The following ARHGAP12 variants were observed in gnomAD, a reference collection of about 807,000 sequenced individuals.
The protein encoded by ARHGAP12 is rho GTPase-activating protein 12.
Under a neutral mutation model 108.6 loss-of-function variants are expected in ARHGAP12, and 64 were observed. That is an observed-to-expected ratio of 0.59 (90% CI 0.48 to 0.73). ARHGAP12 has a LOEUF of 0.73. Ranked by LOEUF, ARHGAP12 falls within the 30% of genes least tolerant of loss-of-function variation. The pLI, the probability that ARHGAP12 is intolerant of heterozygous loss-of-function variation, is 0.00. For missense variants in ARHGAP12, 940 were observed against 1,005.9 expected (o/e 0.93, Z 0.89); for synonymous variants, 312 against 337.2 (o/e 0.93, Z 0.82).
At chr10:31,820,217 A>T (rs1041959063) in intron 12 of ARHGAP12, among the ~76,000 whole-genome samples, 170 bp downstream of exon 12, 2 of 152,232 alleles carry the variant, frequency 1.3e-5, no homozygotes, top group African/African-American at 4.8e-5. Flanking sequence ...TTATGCAAAT[A>T]AAGCCAGTTT....
At chr10:31,809,176 G>A (rs766088064) in intron 17 of ARHGAP12, 48 bp from the exon 18 acceptor site, 2 of 1,612,876 alleles carry the variant, frequency 1.2e-6, no homozygotes, top group African/African-American at 2.7e-5. Flanking sequence ...CTTTAAGCCA[G>A]TTCAAAAAGT....
chr10:31,815,804 C>T (rs1461790178), intron 13 of ARHGAP12, among the ~76,000 whole-genome samples: 1 of 152,054 alleles, frequency 6.6e-6, no homozygotes, highest in Non-Finnish European at 1.5e-5. Context: ...ACATTTAGTC[C>T]TTGGTTATCT....
intron 3 of ARHGAP12, among the ~76,000 whole-genome samples, chr10:31,874,810 C>T (rs1057057987): frequency 6.6e-6 from 1 of 151,700 alleles, no homozygotes; most frequent in Non-Finnish European, 1.5e-5. Context: ...CTCATCTCTA[C>T]TAAAAATACA....
At chr10:31,852,901 T>C (rs1836748124) in intron 5 of ARHGAP12, among the ~76,000 whole-genome samples, 1 of 151,946 alleles carries the variant, frequency 6.6e-6, no homozygotes, top group Non-Finnish European at 1.5e-5. Flanking sequence ...TAATTTTGTG[T>C]TTTTTTAGTA....
At position 31,820,479 on chromosome 10, in the gene ARHGAP12, T is replaced by A. The variant is rs374993453; in HGVS notation, c.1540A>T (p.Asn514Tyr). ...QGSSTSWFGS[N>Y]QSKPEFTVDL... ...ACTGTGAACTCTGGTTTGGACTGAT[T>A]ACTGCCAAACTTCATTTTTGAAAAA... The change falls in exon 12 of 20, where the codon AAT (asparagine) becomes TAT (tyrosine). Residue 514 changes from asparagine to tyrosine, a missense_variant. By Grantham distance (143) the Asn-to-Tyr change is moderately radical. Coordinates refer to ENST00000344936, the MANE Select transcript of ARHGAP12 (RefSeq NM_018287.7). 2.5e-6 allele frequency: 4 copies of A among 1,589,740 alleles called. No individual in the cohort carries two copies. The African/African-American group carries it at 4.1e-5, about 16-fold the overall frequency.
In ARHGAP12 at chr10:31,920,084, T is replaced by A. The variant is rs1335574543; in HGVS notation, c.-111+8599A>T. Among the ~76,000 whole-genome samples the A allele has an allele frequency of 1.5e-4, 21 of 140,734 alleles. 1 individual carries two copies. Among genetic ancestry groups the A allele is most frequent in the South Asian group, 9.2e-4 (4 of 4,358 alleles). 92.3% of individuals were successfully genotyped at this position (140,734 alleles called of 152,430 possible). ...TCGCGCAACTGCACTCCAGCCTGGG[T>A]GACAGAGCAAGACTCTGTCTCAAAA... is the stretch of plus-strand genomic sequence containing the variant. On this transcript the variant is annotated intron_variant, in intron 1 of 19. Coordinates refer to ENST00000344936, the MANE Select transcript of ARHGAP12 (RefSeq NM_018287.7).
chr10:31,806,956 C>T lies in ARHGAP12; in HGVS notation c.*702G>A, dbSNP rs746906187. ...TAGATATAATTAGGATTGTTAGCTA[C>T]AATTCAGTATAGCAAGACAGCCCTA... On this transcript the variant is annotated 3_prime_UTR_variant, in exon 20 of 20. Coordinates refer to ENST00000344936, the MANE Select transcript of ARHGAP12 (RefSeq NM_018287.7). The T allele has an allele frequency of 2.6e-5, 4 of 152,336 alleles. No homozygotes were observed. Among genetic ancestry groups the T allele is most frequent in the Non-Finnish European group, 2.9e-5 (2 of 68,000 alleles). The allele number at this position is 152,336 out of a possible 1,614,324, so 9.4% of individuals were successfully genotyped here. A position where few individuals can be genotyped will look rare whatever the true frequency, so the allele number is the denominator to read the frequency against.
intron 9 of ARHGAP12, 35 bp downstream of exon 9, chr10:31,839,270 C>G: frequency 6.3e-7 from 1 of 1,592,354 alleles, no homozygotes; most frequent in Non-Finnish European, 8.6e-7. Context: ...ATGAAGGTGT[C>G]TATGCCTATT....
At chr10:31,808,862 C>T (rs1834914852) in intron 18 of ARHGAP12, 111 bp from the exon 19 acceptor site, 26 of 1,370,608 alleles carry the variant, frequency 1.9e-5, no homozygotes, top group South Asian at 1.0e-4. Context: ...CTGGTGGTCA[C>T]ATTTAAAATG....
Position 31,928,707 on chromosome 10 carries a change from G to A in ARHGAP12, c.-135C>T, listed in dbSNP as rs1276955258. 6.6e-6 allele frequency: 1 copy of A among 151,930 alleles called. No individual in the cohort carries two copies. Among genetic ancestry groups the A allele is most frequent in the African/African-American group, 2.4e-5 (1 of 41,322 alleles). 9.4% of individuals were successfully genotyped at this position (151,930 alleles called of 1,614,324 possible). On this transcript the variant is annotated 5_prime_UTR_variant, in exon 1 of 20. Transcript: ENST00000344936. Reference sequence around the variant, plus strand: ...CCGGGAGCCCGGCGGCCTCGCAGCAGGCGGCTCCCTTCTTAGTCCGCCCCG... The same window carrying A: ...CCGGGAGCCCGGCGGCCTCGCAGCAAGCGGCTCCCTTCTTAGTCCGCCCCG...
intron 3 of ARHGAP12, among the ~76,000 whole-genome samples, chr10:31,900,522 G>T (rs777443539): frequency 1.6e-4 from 25 of 152,140 alleles, no homozygotes; most frequent in Admixed American, 2.6e-4. Context: ...GCAATAAAAA[G>T]AAATGAGCTG....
At chr10:31,832,506 A>G (rs1025512197) in intron 9 of ARHGAP12, among the ~76,000 whole-genome samples, 2 of 152,230 alleles carry the variant, frequency 1.3e-5, no homozygotes, top group African/African-American at 2.4e-5. Flanking sequence ...TTCCAGATGG[A>G]AATCAAGAAG....
At chr10:31,878,403 G>T (rs933090691) in intron 3 of ARHGAP12, among the ~76,000 whole-genome samples, 6 of 152,088 alleles carry the variant, frequency 3.9e-5, no homozygotes, top group African/African-American at 1.4e-4. Context: ...AATAAAATCA[G>T]AACTTCCTTA....
intron 6 of ARHGAP12, 124 bp from the exon 7 acceptor site, chr10:31,843,710 CCA>C (rs1461888248): frequency 8.8e-7 from 1 of 1,140,366 alleles, no homozygotes; most frequent in Non-Finnish European, 1.2e-6. Flanking sequence ...TATGACATCT[CCA>C]CAAATTTTCC....
At chr10:31,810,780 C>A in intron 15 of ARHGAP12, 33 bp from the exon 16 acceptor site, 4 of 1,521,132 alleles carry the variant, frequency 2.6e-6, no homozygotes, top group Non-Finnish European at 2.7e-6. Flanking sequence ...AAGTCAATCA[C>A]CTTGCTGAAA....
chr10:31,881,375 C>T (rs375168893), intron 3 of ARHGAP12, among the ~76,000 whole-genome samples: 1 of 151,610 alleles, frequency 6.6e-6, no homozygotes, highest in Non-Finnish European at 1.5e-5. Flanking sequence ...GGAACACACA[C>T]AAAAAAAACA....
At chr10:31,922,744 C>T (rs1839873948) in intron 1 of ARHGAP12, among the ~76,000 whole-genome samples, 1 of 151,924 alleles carries the variant, frequency 6.6e-6, no homozygotes, top group African/African-American at 2.4e-5. Context: ...AAGTTACTAC[C>T]AATTCTACAT....
intron 3 of ARHGAP12, among the ~76,000 whole-genome samples, chr10:31,883,088 G>A (rs1482233343): frequency 6.6e-6 from 1 of 152,026 alleles, no homozygotes; most frequent in Non-Finnish European, 1.5e-5. Context: ...CTGAGGTCGG[G>A]AGTTTGAGAC....
chr10:31,889,632 T>G (rs975656078), intron 3 of ARHGAP12, among the ~76,000 whole-genome samples: 5 of 137,498 alleles, frequency 3.6e-5, no homozygotes, highest in Admixed American at 1.4e-4. Flanking sequence ...TTTTTTTTTT[T>G]TTTTTTTTTT....
Sources: gnomAD v4.1 joint callset for allele counts (sites outside exome capture counted in the v4.1 genomes callset) on GRCh38, gnomAD v4.1.1 for gene constraint, MANE v1.5 for transcripts, NCBI Gene and HGNC (gene_info 2026-07-23, HGNC 2026-07-21) for gene names.